The following RCAN2 variants were observed in gnomAD, a reference collection of about 807,000 sequenced individuals.
RCAN2 encodes calcipressin-2.
RCAN2 carries 9 observed loss-of-function variants against 23.6 expected under a neutral mutation model. That is an observed-to-expected ratio of 0.38 (90% CI 0.23 to 0.67). The LOEUF is 0.67. Ranked by LOEUF, RCAN2 falls within the 30% of genes least tolerant of loss-of-function variation. RCAN2 has a pLI of 0.51. For synonymous variants in RCAN2, 109 were observed against 115.7 expected (o/e 0.94, Z 0.37); for missense variants, 273 against 302.3 (o/e 0.90, Z 0.72).
Position 46,292,455 on chromosome 6 carries a change from G to A in RCAN2, c.226-43559C>T, listed in dbSNP as rs529971866. ...TTTTTTTTGTTTTTTTTTTTGGTGG[G>A]GGGGTTGCCCTAAATTGCACAGCAA... On this transcript the variant is annotated intron_variant, in intron 2 of 4. Coordinates refer to ENST00000371374, the MANE Select transcript of RCAN2 (RefSeq NM_001251974.2). Among the ~76,000 whole-genome samples the A allele has an allele frequency of 3.6e-3, 536 of 147,622 alleles. 2 individuals are homozygous for A. Among genetic ancestry groups the A allele is most frequent in the African/African-American group, 0.012 (489 of 39,670 alleles).
At chr6:46,482,702 G>T (rs1052666001) in intron 1 of RCAN2, among the ~76,000 whole-genome samples, 2 of 152,132 alleles carry the variant, frequency 1.3e-5, no homozygotes, top group Non-Finnish European at 2.9e-5. Context: ...CCTTCTCATA[G>T]TATCACACCT....
At chr6:46,400,315 C>G (rs1297823616) in intron 2 of RCAN2, among the ~76,000 whole-genome samples, 4 of 152,174 alleles carry the variant, frequency 2.6e-5, no homozygotes, top group Admixed American at 2.0e-4. Flanking sequence ...CAGCCTAGTT[C>G]CTCAGACTAC....
intron 2 of RCAN2, among the ~76,000 whole-genome samples, chr6:46,268,787 C>T (rs982696477): frequency 6.6e-6 from 1 of 152,132 alleles, no homozygotes; most frequent in African/African-American, 2.4e-5. Context: ...CAGAATTTCC[C>T]TAATTTTGGA....
intron 4 of RCAN2, among the ~76,000 whole-genome samples, chr6:46,229,737 G>C (rs1765811567): frequency 6.6e-6 from 1 of 152,116 alleles, no homozygotes; most frequent in Non-Finnish European, 1.5e-5. Context: ...GCTTGGAGAA[G>C]TTTGTTCTTA....
intron 2 of RCAN2, among the ~76,000 whole-genome samples, chr6:46,428,685 T>C (rs1434474572): frequency 6.6e-6 from 1 of 152,224 alleles, no homozygotes; most frequent in Non-Finnish European, 1.5e-5. Context: ...GAAGCTCACC[T>C]TCCTGTACCT....
intron 2 of RCAN2, among the ~76,000 whole-genome samples, chr6:46,305,823 A>G (rs1173929034): frequency 3.3e-5 from 5 of 152,130 alleles, no homozygotes; most frequent in African/African-American, 1.2e-4. Flanking sequence ...CCAATTTAAC[A>G]TACGAGAAAT....
intron 2 of RCAN2, among the ~76,000 whole-genome samples, chr6:46,412,563 C>A (rs1766578003): frequency 6.6e-6 from 1 of 152,118 alleles, no homozygotes; most frequent in African/African-American, 2.4e-5. Context: ...GAGAATAAGA[C>A]ACTGAAAAGA....
Position 46,433,256 on chromosome 6 carries a change from T to C in RCAN2, c.225+23496A>G, listed in dbSNP as rs148780847. Among the ~76,000 whole-genome samples the C allele has an allele frequency of 8.8e-3, 1,339 of 152,202 alleles. 18 individuals carry two copies. The highest frequency in any genetic ancestry group is 0.031 in the African/African-American group (1,269 of 41,526). On this transcript the variant is annotated intron_variant, in intron 2 of 4. Coordinates refer to ENST00000371374, the MANE Select transcript of RCAN2 (RefSeq NM_001251974.2). ...TCCCAAATTCAGAGAAACTGCCATA[T>C]ACAGTATAGTATAACCAGTGGTATG... is the stretch of plus-strand genomic sequence containing the variant.
chr6:46,360,457 C>G lies in RCAN2; in HGVS notation c.225+96295G>C, dbSNP rs1292499321. On this transcript the variant is annotated intron_variant, in intron 2 of 4. Transcript: ENST00000371374. ...GCTGAGGCAGGAGAATGGTGTGAAC[C>G]CGGGAGGCGGAGCTTGCAGTCAGCC... is the stretch of plus-strand genomic sequence containing the variant. 2.0e-5 allele frequency among the ~76,000 whole-genome samples: 3 copies of G among 147,184 alleles called. No individual in the cohort carries two copies. The East Asian group carries it at 6.2e-4, about 31-fold the overall frequency.
At chr6:46,330,389 C>T (rs551006416) in intron 2 of RCAN2, among the ~76,000 whole-genome samples, 2 of 152,344 alleles carry the variant, frequency 1.3e-5, no homozygotes, top group African/African-American at 4.8e-5. Flanking sequence ...CACCCACTTC[C>T]ATACTCACTC....
intron 1 of RCAN2, 102 bp from the exon 2 acceptor site, chr6:46,457,080 C>T (rs536820725): frequency 5.9e-5 from 42 of 715,058 alleles, no homozygotes; most frequent in Non-Finnish European, 8.7e-5. Flanking sequence ...CAGTGGAGTA[C>T]GATTAGGAGC....
At chr6:46,323,985 G>T (rs1330605475) in intron 2 of RCAN2, among the ~76,000 whole-genome samples, 4 of 152,228 alleles carry the variant, frequency 2.6e-5, no homozygotes, top group Admixed American at 2.6e-4. Context: ...GAAGGGAGCT[G>T]TGAAGTTTTA....
chr6:46,268,879 G>A (rs1296771703), intron 2 of RCAN2, among the ~76,000 whole-genome samples: 2 of 152,198 alleles, frequency 1.3e-5, no homozygotes. Context: ...AGCAAACTAA[G>A]CCCAGTCTGG....
intron 2 of RCAN2, among the ~76,000 whole-genome samples, chr6:46,275,279 T>A (rs1767657017): frequency 6.6e-6 from 1 of 152,164 alleles, no homozygotes; most frequent in Admixed American, 6.5e-5. Flanking sequence ...AAGATTATAT[T>A]CTTATGATCA....
chr6:46,412,204 A>T (rs889251845), intron 2 of RCAN2, among the ~76,000 whole-genome samples: 2 of 152,170 alleles, frequency 1.3e-5, no homozygotes, highest in South Asian at 4.1e-4. Context: ...GGAAATAATG[A>T]GTGTCTCCTA....
In RCAN2 at chr6:46,256,479, C is replaced by T. The variant is rs1420436518; in HGVS notation, c.226-7583G>A. Among the ~76,000 whole-genome samples the T allele has an allele frequency of 3.3e-5, 5 of 152,124 alleles. No individual in the cohort carries two copies. In the South Asian group the frequency reaches 6.2e-4, roughly 19 times the overall value. On this transcript the variant is annotated intron_variant, in intron 2 of 4. Transcript: ENST00000371374. Reference sequence around the variant, plus strand: ...CCAAATAACAAACACAGATCCAGGCCGAACTCAGGCCATATTTGAAATAAA... The same window carrying T: ...CCAAATAACAAACACAGATCCAGGCTGAACTCAGGCCATATTTGAAATAAA...
At chr6:46,359,884 C>T (rs142534031) in intron 2 of RCAN2, among the ~76,000 whole-genome samples, 532 of 152,248 alleles carry the variant, frequency 3.5e-3, no homozygotes, top group Admixed American at 0.01. Flanking sequence ...GATCACAAAT[C>T]TTTTGTTTCC....
chr6:46,473,028 T>G (rs1211404261), intron 1 of RCAN2, among the ~76,000 whole-genome samples: 1 of 152,190 alleles, frequency 6.6e-6, no homozygotes, highest in African/African-American at 2.4e-5. Context: ...ATAAATGTAG[T>G]TTTTAATTTA....
At chr6:46,341,872 T>A (rs1328508879) in intron 2 of RCAN2, among the ~76,000 whole-genome samples, 1 of 152,110 alleles carries the variant, frequency 6.6e-6, no homozygotes, top group South Asian at 2.1e-4. Flanking sequence ...AGGTAAGGGT[T>A]GTGGTAAATC....
Sources: allele counts gnomAD v4.1 joint callset (sites outside exome capture counted in the v4.1 genomes callset), GRCh38; gene constraint gnomAD v4.1.1; transcripts MANE v1.5; gene names NCBI Gene and HGNC (gene_info 2026-07-23, HGNC 2026-07-21).